The following DHRSX variants were observed in gnomAD, a reference collection of about 807,000 sequenced individuals.
DHRSX encodes polyprenol dehydrogenase.
Under a neutral mutation model 34.0 loss-of-function variants are expected in DHRSX, and 31 were observed. The observed-to-expected ratio is 0.91, with a 90% CI of 0.69 to 1.23. DHRSX has a LOEUF of 1.23. DHRSX is among the 50% of genes most tolerant of loss of function. The pLI, the probability that DHRSX is intolerant of heterozygous loss-of-function variation, is 0.00. For synonymous variants in DHRSX, 201 were observed against 183.8 expected (o/e 1.09, Z -0.76); for missense variants, 414 against 428.1 (o/e 0.97, Z 0.29).
intron 3 of DHRSX, among the ~76,000 whole-genome samples, chrX:2,320,298 C>CTT (rs767394558): frequency 2.4e-3 from 243 of 100,290 alleles, no homozygotes; most frequent in African/African-American, 8.0e-3. Flanking sequence ...CTTTTCTTTT[C>CTT]TTTTTTTTTT....
chrX:2,475,931 A>C (rs1413652425), intron 1 of DHRSX, among the ~76,000 whole-genome samples: 1 of 152,174 alleles, frequency 6.6e-6, no homozygotes, highest in Non-Finnish European at 1.5e-5. Flanking sequence ...AATTCGATCT[A>C]ATCGCCTTCT....
chrX:2,309,451 A>C (rs749312597), intron 3 of DHRSX, among the ~76,000 whole-genome samples: 56 of 152,346 alleles, frequency 3.7e-4, no homozygotes, highest in Non-Finnish European at 7.5e-4. Flanking sequence ...TCTTCCACTG[A>C]GACATACAAA....
intron 5 of DHRSX, among the ~76,000 whole-genome samples, chrX:2,243,907 T>G (rs1266891168): frequency 6.7e-6 from 1 of 148,768 alleles, no homozygotes; most frequent in East Asian, 2.0e-4. Flanking sequence ...GTAGCTGGGA[T>G]TACAGGCTCC....
intron 1 of DHRSX, among the ~76,000 whole-genome samples, chrX:2,482,559 C>T (rs2044790312): frequency 6.6e-6 from 1 of 152,116 alleles, no homozygotes; most frequent in Non-Finnish European, 1.5e-5. Flanking sequence ...GCCATTGTGC[C>T]CGGTCTCATA....
chrX:2,346,687 G>T (rs534177482), intron 3 of DHRSX, among the ~76,000 whole-genome samples: 1 of 151,470 alleles, frequency 6.6e-6, no homozygotes, highest in South Asian at 2.1e-4. Flanking sequence ...AAGTCCTGGG[G>T]TACATGTGCA....
chrX:2,411,809 C>G (rs1464664094), intron 2 of DHRSX, among the ~76,000 whole-genome samples: 2 of 151,546 alleles, frequency 1.3e-5, no homozygotes, highest in Non-Finnish European at 2.9e-5. Flanking sequence ...TGGGAGCCTC[C>G]ACCTTCTCAA....
chrX:2,450,547 T>C (rs2044202411), intron 1 of DHRSX, among the ~76,000 whole-genome samples: 1 of 151,984 alleles, frequency 6.6e-6, no homozygotes, highest in Admixed American at 6.6e-5. Context: ...TTAGGCAATT[T>C]CCACAAAAGT....
chrX:2,236,126 A>G (rs1423553973), intron 6 of DHRSX, among the ~76,000 whole-genome samples: 2 of 151,956 alleles, frequency 1.3e-5, no homozygotes, highest in Non-Finnish European at 2.9e-5. Context: ...AAAAAAAATA[A>G]ATAAATAAAA....
At chrX:2,429,685 G>A (rs1460992015) in intron 1 of DHRSX, among the ~76,000 whole-genome samples, 1 of 151,816 alleles carries the variant, frequency 6.6e-6, no homozygotes. Flanking sequence ...TGATCTCCGG[G>A]GCTCAAGTCA....
chrX:2,488,845 G>A lies in DHRSX; in HGVS notation c.109+11972C>T, dbSNP rs141584436. On this transcript the variant is annotated intron_variant, in intron 1 of 6. Coordinates refer to ENST00000334651, the MANE Select transcript of DHRSX (RefSeq NM_145177.3). ...TCCTCTTGGCGCTGACCACGTTGGC[G>A]GCGGATCCGAAGAGACGCTCAGGGG... 95 of 1,613,636 alleles carry A rather than the reference G, an allele frequency of 5.9e-5. No individual in the cohort carries two copies. The African/African-American group carries it at 8.9e-4, about 15-fold the overall frequency.
rs369988596 is a variant in DHRSX at position 2,221,281 on chromosome X, A to T, written c.805-52T>A. On this transcript the variant is annotated intron_variant, in intron 6 of 6. Transcript: ENST00000334651. ...GATGAGTCAAATTTCTGAGCAGGAA[A>T]CAGGAGTCTCAGGACTCACATGGAT... The T allele has an allele frequency of 9.5e-5, 150 of 1,576,604 alleles. No homozygotes were observed. In the African/African-American group the frequency reaches 1.7e-3, roughly 18 times the overall value.
intron 1 of DHRSX, among the ~76,000 whole-genome samples, chrX:2,461,370 C>T (rs1279233905): frequency 6.6e-6 from 1 of 152,238 alleles, no homozygotes; most frequent in Non-Finnish European, 1.5e-5. Flanking sequence ...CACCCGTCAG[C>T]CAAAAGCCAC....
At chrX:2,494,732 G>C (rs1409695722) in intron 1 of DHRSX, among the ~76,000 whole-genome samples, 2 of 151,426 alleles carry the variant, frequency 1.3e-5, no homozygotes, top group Non-Finnish European at 2.9e-5. Context: ...GCTGAAAAAA[G>C]GTTCTGGTAC....
chrX:2,382,004 G>T (rs1361913953), intron 3 of DHRSX, among the ~76,000 whole-genome samples: 8 of 152,134 alleles, frequency 5.3e-5, no homozygotes, highest in African/African-American at 1.9e-4. Context: ...GGGGGCCATG[G>T]CTTGCATGGC....
chrX:2,298,173 C>T (rs1209184367), intron 3 of DHRSX, among the ~76,000 whole-genome samples: 2 of 151,928 alleles, frequency 1.3e-5, no homozygotes, highest in Non-Finnish European at 2.9e-5. Context: ...ATGCCTGGAG[C>T]CCCCAGGAGC....
intron 1 of DHRSX, among the ~76,000 whole-genome samples, chrX:2,462,833 GC>G (rs1431387800): frequency 4.0e-5 from 6 of 151,698 alleles, no homozygotes; most frequent in African/African-American, 1.5e-4. Context: ...AACTATTACT[GC>G]ATTTTTTTAA....
chrX:2,248,917 T>C (rs1294534296), intron 5 of DHRSX, among the ~76,000 whole-genome samples: 1 of 152,230 alleles, frequency 6.6e-6, no homozygotes, highest in Non-Finnish European at 1.5e-5. Context: ...CCTGCATCTT[T>C]GGGTCTTCCC....
chrX:2,378,470 G>C (rs998372670), intron 3 of DHRSX, among the ~76,000 whole-genome samples: 7 of 151,972 alleles, frequency 4.6e-5, no homozygotes, highest in African/African-American at 1.5e-4. Context: ...TCAACGTCAA[G>C]ATGACGAGGA....
chrX:2,277,097 A>G lies in DHRSX; in HGVS notation c.389-10150T>C, dbSNP rs1236181444. 4.9e-5 allele frequency among the ~76,000 whole-genome samples: 4 copies of G among 81,330 alleles called. 1 individual carries two copies. The highest frequency in any genetic ancestry group is 2.5e-4 in the African/African-American group (4 of 15,870). 53.4% of individuals were successfully genotyped at this position (81,330 alleles called of 152,430 possible). On this transcript the variant is annotated intron_variant, in intron 4 of 6. Coordinates refer to ENST00000334651, the MANE Select transcript of DHRSX (RefSeq NM_145177.3). ...AGAGAGAAAGAGAGATGGAGAGGGA[A>G]CAGGGAGAGAGAGGGAGGGCAAACG... is the stretch of plus-strand genomic sequence containing the variant.
Sources: allele counts gnomAD v4.1 joint callset (sites outside exome capture counted in the v4.1 genomes callset), GRCh38; gene constraint gnomAD v4.1.1; transcripts MANE v1.5; gene names NCBI Gene and HGNC (gene_info 2026-07-23, HGNC 2026-07-21).